Variants in RFX4 observed in about 807,000 individuals in gnomAD.
RFX4 encodes the protein regulatory factor X4.
A neutral mutation model predicts 95.0 loss-of-function variants in RFX4; 10 were observed. The observed-to-expected ratio is 0.11, with a 90% CI of 0.06 to 0.18. The LOEUF (loss-of-function observed/expected upper bound fraction) is 0.18, where lower values mean the gene tolerates loss of function less well. Ranked by LOEUF, RFX4 falls within the 10% of genes least tolerant of loss-of-function variation. RFX4 has a pLI of 1.00. For missense variants in RFX4, 640 were observed against 922.0 expected, an observed-to-expected ratio of 0.69 and a Z score of 3.96; for synonymous variants, 321 against 340.7, an observed-to-expected ratio of 0.94 and a Z score of 0.64.
chr12:106,689,279 C>T lies in RFX4; in HGVS notation c.592-8C>T. The T allele has an allele frequency of 6.2e-7, 1 of 1,608,242 alleles. No homozygotes were observed. The highest frequency in any genetic ancestry group is 8.5e-7 in the Non-Finnish European group (1 of 1,174,776). On this transcript the variant is annotated splice_polypyrimidine_tract_variant and splice_region_variant and intron_variant, in intron 6 of 17. Coordinates refer to ENST00000392842, the MANE Select transcript of RFX4 (RefSeq NM_213594.3). ...TCTTTGTTGTTGATCCTCTACACAC[C>T]CCCACAGGTTTCTACCTTTATTATG...
rs1252576099 is a variant in RFX4, at chr12:106,720,734, A to G, written c.1234-25A>G. ...TAAATGAAAGGTCAAGTCGACCACTATTAAAGCCATTTACTTTCTTGTAGG... is the reference window on the plus strand; with the variant it reads ...TAAATGAAAGGTCAAGTCGACCACTGTTAAAGCCATTTACTTTCTTGTAGG... On this transcript the variant is annotated intron_variant, in intron 12 of 17. Coordinates refer to ENST00000392842, the MANE Select transcript of RFX4 (RefSeq NM_213594.3). The surrounding 1 kb of genome is among the most constrained non-coding windows in gnomAD (Gnocchi z 4.2). 2 of 1,602,380 alleles carry G rather than the reference A, an allele frequency of 1.2e-6. No individual in the cohort carries two copies. The highest frequency in any genetic ancestry group is 1.1e-5 in the South Asian group (1 of 90,864).
At chr12:106,692,984 T>A (rs2137439343) in intron 7 of RFX4, 1 of 235,380 alleles carries the variant, frequency 4.2e-6, no homozygotes, top group South Asian at 4.6e-5. Flanking sequence ...AATCTGTTTT[T>A]CCCAGGTCTT....
intron 2 of RFX4, among the ~76,000 whole-genome samples, chr12:106,631,843 A>C (rs186765387): frequency 2.6e-5 from 4 of 152,336 alleles, no homozygotes; most frequent in Admixed American, 2.6e-4. Context: ...CAGGGTGCTG[A>C]GGCAGCACAG....
At chr12:106,760,919 G>A (rs980881019) in intron 17 of RFX4, among the ~76,000 whole-genome samples, 7 of 151,904 alleles carry the variant, frequency 4.6e-5, no homozygotes, top group East Asian at 1.9e-4. Flanking sequence ...TCTCATTTTG[G>A]GTTTGACTTC....
At chr12:106,686,008 T>G (rs1403700864) in intron 5 of RFX4, among the ~76,000 whole-genome samples, 1 of 152,248 alleles carries the variant, frequency 6.6e-6, no homozygotes, top group Non-Finnish European at 1.5e-5. Context: ...AAGCCTATTT[T>G]GAGTTAATAA....
chr12:106,730,974 T>TG (rs2042600610), intron 13 of RFX4, among the ~76,000 whole-genome samples: 1 of 151,940 alleles, frequency 6.6e-6, no homozygotes, highest in African/African-American at 2.4e-5. Context: ...CACTCCAGCC[T>TG]GGGCAAGGTA....
chr12:106,678,042 C>A (rs2041430602), intron 4 of RFX4, among the ~76,000 whole-genome samples: 1 of 152,166 alleles, frequency 6.6e-6, no homozygotes, highest in African/African-American at 2.4e-5. Flanking sequence ...TAAGTAAAAA[C>A]CATCAGGAAT....
At chr12:106,687,561 A>AAAAAG (rs1174828737) in intron 6 of RFX4, among the ~76,000 whole-genome samples, 4 of 152,000 alleles carry the variant, frequency 2.6e-5, no homozygotes, top group African/African-American at 9.7e-5. Flanking sequence ...AAAAAAAAAA[A>AAAAAG]AAAAGAAAAG....
intron 2 of RFX4, among the ~76,000 whole-genome samples, chr12:106,609,399 C>T (rs1212539411): frequency 2.0e-5 from 3 of 152,244 alleles, no homozygotes; most frequent in East Asian, 1.9e-4. Flanking sequence ...ACTGGGGCTT[C>T]TGGGTGCTAT....
chr12:106,721,623 G>C (rs916932269), intron 13 of RFX4, among the ~76,000 whole-genome samples: 5 of 152,200 alleles, frequency 3.3e-5, no homozygotes, highest in African/African-American at 1.2e-4. Flanking sequence ...ACTGAGATGG[G>C]ACTTTTAGGC....
intron 3 of RFX4, among the ~76,000 whole-genome samples, chr12:106,644,231 T>C (rs937064012): frequency 1.1e-3 from 111 of 103,376 alleles, no homozygotes; most frequent in South Asian, 3.6e-3. Context: ...CCATTTCCCC[T>C]TTTTTTTTTT....
chr12:106,720,106 G>T lies in RFX4; in HGVS notation c.1233+52G>T, dbSNP rs1391216872. The T allele has an allele frequency of 6.8e-7, 1 of 1,469,978 alleles. No homozygotes were observed. 91.1% of individuals were successfully genotyped at this position (1,469,978 alleles called of 1,614,324 possible). ...GCCTTGGGCCCTGCAGCCCACCACT[G>T]CCCTCTGTGAACTTGGCCAAGACAA... is the stretch of plus-strand genomic sequence containing the variant. On this transcript the variant is annotated intron_variant, in intron 12 of 17. Transcript: ENST00000392842. The surrounding 1 kb of genome is among the most constrained non-coding windows in gnomAD (Gnocchi z 4.2).
At chr12:106,585,799 AG>A (rs1300061910) in intron 1 of RFX4, 1 of 152,232 alleles carries the variant, frequency 6.6e-6, no homozygotes, top group Non-Finnish European at 1.5e-5. Context: ...GGAAACGTCC[AG>A]GATAAGAGAG....
intron 4 of RFX4, among the ~76,000 whole-genome samples, chr12:106,667,012 T>C (rs1192641404): frequency 1.3e-5 from 2 of 152,186 alleles, no homozygotes; most frequent in African/African-American, 4.8e-5. Context: ...AAATCACCTT[T>C]AGTCATATGG....
intron 1 of RFX4, among the ~76,000 whole-genome samples, chr12:106,584,968 T>C (rs2039432779): frequency 1.3e-5 from 2 of 152,250 alleles, no homozygotes; most frequent in South Asian, 2.1e-4. Context: ...CTGAGGTCTC[T>C]ACTGGCGGTA....
At chr12:106,749,555 C>A (rs1312746370) in intron 16 of RFX4, among the ~76,000 whole-genome samples, 1 of 152,130 alleles carries the variant, frequency 6.6e-6, no homozygotes, top group Non-Finnish European at 1.5e-5. Flanking sequence ...AGAATAGACT[C>A]TGAAAACTCT....
chr12:106,757,565 A>G (rs951621202), intron 17 of RFX4, among the ~76,000 whole-genome samples: 12 of 151,748 alleles, frequency 7.9e-5, no homozygotes, highest in Non-Finnish European at 2.9e-5. Context: ...AAAAAAAAAA[A>G]AGCTCAGCAG....
chr12:106,624,160 C>A (rs548364277), intron 2 of RFX4, among the ~76,000 whole-genome samples: 1 of 152,082 alleles, frequency 6.6e-6, no homozygotes, highest in Non-Finnish European at 1.5e-5. Flanking sequence ...ACTTATTTTA[C>A]GTTGGTTTTG....
chr12:106,718,991 G>A (rs967743563), intron 11 of RFX4, among the ~76,000 whole-genome samples: 4 of 151,832 alleles, frequency 2.6e-5, no homozygotes, highest in Admixed American at 6.6e-5. Context: ...GTGTGGTGGC[G>A]GGCACCTGTA....
Sources: gnomAD v4.1 joint callset for allele counts (sites outside exome capture counted in the v4.1 genomes callset) on GRCh38, gnomAD v4.1.1 for gene constraint, Gnocchi (gnomAD v3.1) non-coding constraint, MANE v1.5 for transcripts, NCBI Gene and HGNC (gene_info 2026-07-23, HGNC 2026-07-21) for gene names.